Variants in PALM2AKAP2 observed in about 807,000 individuals in gnomAD.
The protein encoded by PALM2AKAP2 is PALM2 and AKAP2 fusion.
Under a neutral mutation model 71.5 loss-of-function variants are expected in PALM2AKAP2, and 37 were observed. The observed-to-expected ratio is 0.52, with a 90% CI of 0.40 to 0.68. The LOEUF (loss-of-function observed/expected upper bound fraction) is 0.68, where lower values mean the gene tolerates loss of function less well. Among genes scored for constraint, PALM2AKAP2 ranks in the 30% least tolerant of loss-of-function variants. The pLI is 0.00. For missense variants in PALM2AKAP2, 1,224 were observed against 1,191.8 expected, an observed-to-expected ratio of 1.03 and a Z score of -0.40; for synonymous variants, 468 against 478.8, an observed-to-expected ratio of 0.98 and a Z score of 0.29.
At chr9:109,940,716 G>A (rs1831340211) in intron 6 of PALM2AKAP2, among the ~76,000 whole-genome samples, 1 of 152,152 alleles carries the variant, frequency 6.6e-6, no homozygotes, top group South Asian at 2.1e-4. Flanking sequence ...GAGCAGCCGT[G>A]GGAGGAAGTT....
At chr9:109,821,592 G>A (rs1268446089) in intron 1 of PALM2AKAP2, among the ~76,000 whole-genome samples, 11 of 152,162 alleles carry the variant, frequency 7.2e-5, no homozygotes, top group African/African-American at 2.7e-4. Context: ...GGTGAGAAAG[G>A]CATGTTTCTG....
At chr9:109,909,162 G>A (rs1018948743) in intron 3 of PALM2AKAP2, among the ~76,000 whole-genome samples, 9 of 143,024 alleles carry the variant, frequency 6.3e-5, no homozygotes, top group South Asian at 2.3e-4. Context: ...ACGCGCGCAC[G>A]CACACACACA....
chr9:109,950,227 AGGCTGCAGGG>A (rs1385790306), intron 6 of PALM2AKAP2, among the ~76,000 whole-genome samples: 1 of 151,970 alleles, frequency 6.6e-6, no homozygotes, highest in Non-Finnish European at 1.5e-5. Flanking sequence ...CAGGAGGTGG[AGGCTGCAGGG>A]GGCTGAGATC....
intron 1 of PALM2AKAP2, among the ~76,000 whole-genome samples, chr9:109,812,682 G>A (rs1024956490): frequency 2.0e-5 from 3 of 152,208 alleles, no homozygotes; most frequent in African/African-American, 7.2e-5. Context: ...AGTGCAAATG[G>A]AAACCACAGG....
intron 1 of PALM2AKAP2, among the ~76,000 whole-genome samples, chr9:109,833,389 C>CCAACCATGTGCTGTGTAGTGAGCACCATG (rs1828365506): frequency 6.6e-6 from 1 of 152,028 alleles, no homozygotes; most frequent in African/African-American, 2.4e-5. Context: ...CATGAAGTTC[C>CCAACCATGTGCTGTGTAGTGAGCACCATG]CAACCATGTG....
intron 1 of PALM2AKAP2, among the ~76,000 whole-genome samples, chr9:109,827,236 G>T (rs1828175380): frequency 1.3e-5 from 2 of 152,204 alleles, no homozygotes; most frequent in Non-Finnish European, 2.9e-5. Flanking sequence ...AGTAGACAAT[G>T]ATCAAAGACT....
chr9:109,932,055 A>G (rs778211592), intron 6 of PALM2AKAP2, 27 bp downstream of exon 6: 1 of 1,600,062 alleles, frequency 6.2e-7, no homozygotes, highest in South Asian at 1.1e-5. Context: ...TTTGGACGCT[A>G]GGATGGTCCA....
chr9:109,710,329 G>A (rs1165252721), intron 1 of PALM2AKAP2, among the ~76,000 whole-genome samples: 1 of 152,220 alleles, frequency 6.6e-6, no homozygotes, highest in Non-Finnish European at 1.5e-5. Flanking sequence ...CTAACTTTCA[G>A]CCCTTCCTGC....
chr9:109,975,232 C>T (rs1398322662), intron 6 of PALM2AKAP2, among the ~76,000 whole-genome samples: 1 of 152,162 alleles, frequency 6.6e-6, no homozygotes, highest in African/African-American at 2.4e-5. Context: ...CCCAGGAAAG[C>T]CAATGATGTA....
chr9:110,052,309 T>G (rs1833727654), intron 1 of PALM2AKAP2, among the ~76,000 whole-genome samples: 1 of 152,226 alleles, frequency 6.6e-6, no homozygotes. Context: ...GGCATGAGCC[T>G]CACCCAGCAG....
chr9:110,143,432 AGG>A (rs1491355808), intron 2 of PALM2AKAP2, among the ~76,000 whole-genome samples: 2 of 149,592 alleles, frequency 1.3e-5, no homozygotes, highest in African/African-American at 4.9e-5. Context: ...AAAAAAAAAA[AGG>A]AGAGAGAGAG....
chr9:110,087,771 G>T (rs1323981738), intron 1 of PALM2AKAP2, among the ~76,000 whole-genome samples: 1 of 152,156 alleles, frequency 6.6e-6, no homozygotes, highest in Non-Finnish European at 1.5e-5. Flanking sequence ...TACTGTTCTA[G>T]GCATGTAGGA....
chr9:110,083,032 T>C (rs575515326), intron 1 of PALM2AKAP2, among the ~76,000 whole-genome samples: 1 of 152,166 alleles, frequency 6.6e-6, no homozygotes, highest in South Asian at 2.1e-4. Context: ...TCCCAGCTAC[T>C]TGGGAGGCTG....
intron 3 of PALM2AKAP2, among the ~76,000 whole-genome samples, chr9:109,889,327 C>T (rs1830036336): frequency 6.6e-6 from 1 of 152,186 alleles, no homozygotes; most frequent in African/African-American, 2.4e-5. Context: ...GGATCAACTC[C>T]TATCTGATTC....
chr9:109,998,773 A>G (rs1832623115), intron 6 of PALM2AKAP2, among the ~76,000 whole-genome samples: 1 of 150,462 alleles, frequency 6.6e-6, no homozygotes, highest in Admixed American at 6.6e-5. Context: ...GCAAAAAAAA[A>G]AAAAAAAAAG....
rs954436919 is a variant in PALM2AKAP2, at chr9:109,774,401, A to T, written c.6-6087A>T. Among the ~76,000 whole-genome samples, 7 of 152,166 alleles carry T rather than the reference A, an allele frequency of 4.6e-5. No homozygotes were observed. The East Asian group carries it at 1.3e-3, about 29-fold the overall frequency. On this transcript the variant is annotated intron_variant, in intron 1 of 6. Transcript: ENST00000374531. ...CATGTAGCTCTCTTCCTAATACTCA[A>T]AAATTAAGCTGTTCTTCCCATATTT...
At chr9:109,736,224 A>AATT (rs1828633166) in intron 1 of PALM2AKAP2, among the ~76,000 whole-genome samples, 1 of 152,222 alleles carries the variant, frequency 6.6e-6, no homozygotes, top group African/African-American at 2.4e-5. Context: ...CAAAAAAGTG[A>AATT]ATTACTATAA....
chr9:109,898,615 C>G (rs1004596353), intron 3 of PALM2AKAP2, among the ~76,000 whole-genome samples: 5 of 152,112 alleles, frequency 3.3e-5, no homozygotes, highest in Non-Finnish European at 7.4e-5. Context: ...TTAGGAGTCT[C>G]GATAAAAAAC....
At chr9:109,658,055 GAT>G (rs1165267862) in intron 1 of PALM2AKAP2, among the ~76,000 whole-genome samples, 4 of 151,908 alleles carry the variant, frequency 2.6e-5, no homozygotes, top group Non-Finnish European at 5.9e-5. Flanking sequence ...GTAGGTAAAT[GAT>G]GTGCAATTTG....
Sources: gnomAD v4.1 joint callset for allele counts (sites outside exome capture counted in the v4.1 genomes callset) on GRCh38, gnomAD v4.1.1 for gene constraint, MANE v1.5 for transcripts, NCBI Gene and HGNC (gene_info 2026-07-23, HGNC 2026-07-21) for gene names.